Variants in TMPRSS15 observed in about 807,000 individuals in gnomAD.
The protein encoded by TMPRSS15 is transmembrane serine protease 15.
TMPRSS15 carries 128 observed loss-of-function variants against 125.3 expected under a neutral mutation model. The ratio of observed to expected loss-of-function variants is 1.02; its 90% confidence interval spans 0.89 to 1.18. The LOEUF is 1.18. Ranked by LOEUF, TMPRSS15 falls within the 50% of genes most tolerant of loss-of-function variation. The pLI, the probability that TMPRSS15 is intolerant of heterozygous loss-of-function variation, is 0.00. For synonymous variants in TMPRSS15, 446 were observed against 423.2 expected, an observed-to-expected ratio of 1.05 and a Z score of -0.66; for missense variants, 1,283 against 1,212.7, an observed-to-expected ratio of 1.06 and a Z score of -0.86.
intron 6 of TMPRSS15, among the ~76,000 whole-genome samples, chr21:18,365,964 A>C (rs1052424537): frequency 6.6e-6 from 1 of 151,596 alleles, no homozygotes; most frequent in African/African-American, 2.4e-5. Context: ...CGATCTCCTG[A>C]CCATAGGTGA....
chr21:18,480,230 A>G (rs1036568910), intron 1 of TMPRSS15, among the ~76,000 whole-genome samples: 24 of 152,024 alleles, frequency 1.6e-4, no homozygotes, highest in African/African-American at 5.3e-4. Flanking sequence ...GCCAGTCATC[A>G]CAGTTTGCAC....
intron 13 of TMPRSS15, among the ~76,000 whole-genome samples, chr21:18,338,716 CAGAG>C (rs886199555): frequency 7.9e-4 from 103 of 130,130 alleles, no homozygotes; most frequent in Non-Finnish European, 1.3e-3. Flanking sequence ...CAGAGACAGA[CAGAG>C]AGAGAGATAA....
intron 16 of TMPRSS15, among the ~76,000 whole-genome samples, chr21:18,322,433 T>C (rs1369410089): frequency 6.6e-6 from 1 of 152,216 alleles, no homozygotes; most frequent in Admixed American, 6.5e-5. Flanking sequence ...CATCTATGTT[T>C]ACTGCAGCAC....
rs893873213 is a variant in TMPRSS15, at chr21:18,295,247, C to A, written c.2262-595G>T. Among the ~76,000 whole-genome samples, 6 of 152,326 alleles carry A rather than the reference C, an allele frequency of 3.9e-5. No homozygotes were observed. In the South Asian group the frequency reaches 1.2e-3, roughly 32 times the overall value. ...GCACAGGCAAAAATTACTGAAAACT[C>A]ATCACCTGCTTAGAAATTTAAATAC... On this transcript the variant is annotated intron_variant, in intron 19 of 24. Coordinates refer to ENST00000284885, the MANE Select transcript of TMPRSS15 (RefSeq NM_002772.3).
intron 13 of TMPRSS15, among the ~76,000 whole-genome samples, chr21:18,332,422 T>C (rs1268743019): frequency 1.3e-5 from 2 of 152,174 alleles, no homozygotes; most frequent in Admixed American, 6.5e-5. Context: ...ATGTCACCTT[T>C]TGAAAAGTGT....
At chr21:18,467,371 G>A (rs539816269) in intron 1 of TMPRSS15, among the ~76,000 whole-genome samples, 8 of 151,562 alleles carry the variant, frequency 5.3e-5, no homozygotes, top group Non-Finnish European at 1.0e-4. Context: ...AAACCTGCAC[G>A]TTCTGCACAT....
chr21:18,409,814 C>T (rs2076160667), intron 1 of TMPRSS15, among the ~76,000 whole-genome samples: 2 of 129,800 alleles, frequency 1.5e-5, no homozygotes, highest in Non-Finnish European at 1.6e-5. Flanking sequence ...TACAATCTCC[C>T]CCCCTTCCCC....
Position 18,353,003 on chromosome 21 carries a change from G to A in TMPRSS15, c.1071C>T (p.Val357=). ...ATTCATTATCATCATTTAGATCCTG[G>A]ACCCAGAAACAAAAGCCATCCTCAA... ...CNFEDGFCFW[V]QDLNDDNEWE... Residue 357 remains valine (V), a synonymous_variant, in exon 10 of 25, where the codon GTC becomes GTT. Coordinates refer to ENST00000284885, the MANE Select transcript of TMPRSS15 (RefSeq NM_002772.3). 1 of 1,611,274 alleles carries A rather than the reference G, an allele frequency of 6.2e-7. No individual in the cohort carries two copies.
At chr21:18,453,089 C>T (rs2123259828) in intron 1 of TMPRSS15, among the ~76,000 whole-genome samples, 1 of 152,286 alleles carries the variant, frequency 6.6e-6, no homozygotes. Flanking sequence ...TGAACAACTG[C>T]CACAGTTTAT....
chr21:18,407,403 GA>G (rs1306848463), upstream of TMPRSS15, among the ~76,000 whole-genome samples: 2 of 150,474 alleles, frequency 1.3e-5, no homozygotes, highest in African/African-American at 4.9e-5. Flanking sequence ...TATTAAAATT[GA>G]AAGAAACTTT....
chr21:18,353,721 A>G lies in TMPRSS15; in HGVS notation c.1021+2T>C. 6.2e-7 allele frequency: 1 copy of G among 1,608,412 alleles called. No homozygotes were observed. The highest frequency in any genetic ancestry group is 8.5e-7 in the Non-Finnish European group (1 of 1,177,020). On this transcript the variant is annotated splice_donor_variant, in intron 9 of 24. Transcript: ENST00000284885. LOFTEE classifies it high-confidence loss of function. Reference sequence around the variant, plus strand: ...AAAAGCCAAAAAATAAATAATACTTACTATTAAGCTCACTGCTGTTAAATG... The same window carrying G: ...AAAAGCCAAAAAATAAATAATACTTGCTATTAAGCTCACTGCTGTTAAATG...
intron 1 of TMPRSS15, among the ~76,000 whole-genome samples, chr21:18,473,216 A>G (rs2123284945): frequency 6.6e-6 from 1 of 152,256 alleles, no homozygotes; most frequent in Non-Finnish European, 1.5e-5. Context: ...TTTAATAAGT[A>G]TCTGGATAAA....
At chr21:18,386,734 C>A (rs2075947503) in intron 3 of TMPRSS15, among the ~76,000 whole-genome samples, 1 of 152,110 alleles carries the variant, frequency 6.6e-6, no homozygotes, top group Non-Finnish European at 1.5e-5. Context: ...TCCAATCCCC[C>A]ATCTTCATTT....
At chr21:18,428,692 G>A (rs776898116) in intron 1 of TMPRSS15, among the ~76,000 whole-genome samples, 26 of 152,164 alleles carry the variant, frequency 1.7e-4, no homozygotes, top group Non-Finnish European at 3.2e-4. Flanking sequence ...AAGAATTGAG[G>A]TTTGGGAACC....
chr21:18,454,325 T>A (rs1237072610), intron 1 of TMPRSS15, among the ~76,000 whole-genome samples: 1 of 152,158 alleles, frequency 6.6e-6, no homozygotes, highest in Non-Finnish European at 1.5e-5. Context: ...ACTAAGTTCT[T>A]CAAATAGAAA....
chr21:18,472,508 T>A (rs1473176412), intron 1 of TMPRSS15, among the ~76,000 whole-genome samples: 1 of 150,226 alleles, frequency 6.7e-6, no homozygotes, highest in Non-Finnish European at 1.5e-5. Flanking sequence ...CACACACATA[T>A]ATAATCATTT....
chr21:18,342,562 T>A (rs1180963908), intron 12 of TMPRSS15, among the ~76,000 whole-genome samples: 1 of 152,218 alleles, frequency 6.6e-6, no homozygotes, highest in Non-Finnish European at 1.5e-5. Flanking sequence ...AGACGCTCAA[T>A]GAGTATAGCC....
Position 18,372,324 on chromosome 21 carries a change from C to T in TMPRSS15, c.533G>A (p.Gly178Glu), listed in dbSNP as rs1283034262. 6.2e-7 allele frequency: 1 copy of T among 1,612,062 alleles called. No individual in the cohort carries two copies. The highest frequency in any genetic ancestry group is 2.2e-5 in the East Asian group (1 of 44,718). ...LTTTSHLATP[G>E]NVSIECLPGS... ...AGGCAGGCACTCTATTGAGACATTT[C>T]CTTTAAAAAATAACTGAAATTAATT... The change falls in exon 6 of 25, where the codon GGA becomes GAA. Residue 178 changes from glycine (G) to glutamate (E), a missense_variant and splice_region_variant. Transcript: ENST00000284885.
intron 18 of TMPRSS15, among the ~76,000 whole-genome samples, chr21:18,302,912 G>A (rs1447751124): frequency 6.6e-6 from 1 of 151,886 alleles, no homozygotes; most frequent in African/African-American, 2.4e-5. Flanking sequence ...AGTTCCTTTT[G>A]TTTGTTTGTT....
Sources: allele counts gnomAD v4.1 joint callset (sites outside exome capture counted in the v4.1 genomes callset), GRCh38; gene constraint gnomAD v4.1.1; transcripts MANE v1.5; gene names NCBI Gene and HGNC (gene_info 2026-07-23, HGNC 2026-07-21).